The following SWT1 variants were observed in gnomAD, a reference collection of about 807,000 sequenced individuals.
The protein encoded by SWT1 is transcriptional protein SWT1.
SWT1 carries 33 observed loss-of-function variants against 107.3 expected under a neutral mutation model. That is an observed-to-expected ratio of 0.31 (90% CI 0.23 to 0.41). The LOEUF (loss-of-function observed/expected upper bound fraction) is 0.41. Among genes scored for constraint, SWT1 ranks in the 10% least tolerant of loss-of-function variants. The probability of loss-of-function intolerance (pLI) is 1.00; values close to 1 mark genes in which losing one functional copy is unlikely to be tolerated. For missense variants in SWT1, 898 were observed against 1,028.9 expected (o/e 0.87, Z 1.74); for synonymous variants, 345 against 348.3 (o/e 0.99, Z 0.11).
intron 4 of SWT1, 142 bp downstream of exon 4, chr1:185,168,540 A>G (rs1164367473): frequency 5.8e-6 from 2 of 345,114 alleles, no homozygotes; most frequent in Non-Finnish European, 1.0e-5. Flanking sequence ...TTATGATTAT[A>G]GAATTGTCTT....
At chr1:185,189,951 T>C (rs1656810615) in intron 9 of SWT1, among the ~76,000 whole-genome samples, 1 of 151,802 alleles carries the variant, frequency 6.6e-6, no homozygotes, top group Admixed American at 6.6e-5. Flanking sequence ...CAGGTTCAAC[T>C]GATTCTCCTG....
chr1:185,249,134 A>G (rs2102637953), intron 16 of SWT1, among the ~76,000 whole-genome samples: 1 of 152,200 alleles, frequency 6.6e-6, no homozygotes, highest in South Asian at 2.1e-4. Context: ...AGGCTGGCTG[A>G]TGCTGCCTCT....
intron 16 of SWT1, among the ~76,000 whole-genome samples, chr1:185,235,542 C>T (rs965516720): frequency 8.5e-5 from 13 of 152,122 alleles, no homozygotes; most frequent in East Asian, 3.9e-4. Flanking sequence ...TCAGTAAACT[C>T]GGTATTGATA....
At chr1:185,190,717 A>G in intron 10 of SWT1, 75 bp downstream of exon 10, 1 of 858,226 alleles carries the variant, frequency 1.2e-6, no homozygotes, top group East Asian at 2.7e-5. Context: ...TATGGTATCC[A>G]GCATACCAAG....
chr1:185,202,419 C>T (rs998557411), intron 10 of SWT1, among the ~76,000 whole-genome samples: 5 of 151,992 alleles, frequency 3.3e-5, no homozygotes, highest in African/African-American at 7.2e-5. Context: ...TAATACTACT[C>T]CTACCTCAGA....
Position 185,177,073 on chromosome 1 carries a change from C to T in SWT1, c.966+1960C>T. ...ATTATAACTAAGGAGGCCAGAAGAG[C>T]TTGGGAATTAGTATTTTTAGTTTAA... is the stretch of plus-strand genomic sequence containing the variant. On this transcript the variant is annotated intron_variant, in intron 5 of 18. Transcript: ENST00000367500. The T allele has an allele frequency of 3.1e-6, 3 of 980,414 alleles. No homozygotes were observed. The South Asian group carries it at 1.4e-4, about 46-fold the overall frequency. The allele number at this position is 980,414 out of a possible 1,614,324, so 60.7% of individuals were successfully genotyped here. A position where few individuals can be genotyped will look rare whatever the true frequency, so the allele number is the denominator to read the frequency against.
chr1:185,254,634 A>G (rs990300577), intron 16 of SWT1, among the ~76,000 whole-genome samples: 21 of 151,582 alleles, frequency 1.4e-4, no homozygotes, highest in African/African-American at 4.9e-4. Context: ...TATCCCCTTT[A>G]TCATTTTTTA....
intron 13 of SWT1, among the ~76,000 whole-genome samples, chr1:185,209,589 G>A (rs531456673): frequency 6.6e-6 from 1 of 152,302 alleles, no homozygotes; most frequent in South Asian, 2.1e-4. Context: ...ATTCCATGGT[G>A]TATATGTGCC....
At chr1:185,225,082 G>T (rs1659949722) in intron 15 of SWT1, among the ~76,000 whole-genome samples, 1 of 151,992 alleles carries the variant, frequency 6.6e-6, no homozygotes, top group Non-Finnish European at 1.5e-5. Flanking sequence ...TTGCATTGAG[G>T]TATGCTCCTT....
intron 10 of SWT1, among the ~76,000 whole-genome samples, chr1:185,191,741 G>A (rs769784718): frequency 6.6e-6 from 1 of 152,052 alleles, no homozygotes; most frequent in Admixed American, 6.5e-5. Context: ...AGATAAATTC[G>A]AGAAGTAATT....
In SWT1 at chr1:185,206,754, C is replaced by T; in HGVS notation, c.1963C>T (p.Leu655Phe). The T allele has an allele frequency of 6.3e-7, 1 of 1,595,690 alleles. No homozygotes were observed. The highest frequency in any genetic ancestry group is 2.2e-5 in the East Asian group (1 of 44,552). Residue 655 changes from leucine (L) to phenylalanine (F), a missense_variant, in exon 13 of 19, where the codon CTC (leucine) becomes TTC (phenylalanine). Around this residue, in one of 6 missense-constraint regions of SWT1, gnomAD observed 382 missense variants for 460.0 expected, o/e 0.83. Transcript: ENST00000367500. ...LLTIESLYKN[L>F]RKANKAVDFT... ...AACTATTGAGAGCCTATACAAAAAT[C>T]TCCGTAAAGGTATGAATCTTTTATT...
intron 4 of SWT1, among the ~76,000 whole-genome samples, chr1:185,169,800 C>T (rs1488165380): frequency 1.3e-5 from 2 of 149,298 alleles, no homozygotes; most frequent in African/African-American, 4.9e-5. Flanking sequence ...TTTTTTACAG[C>T]TAAACTAAAA....
intron 4 of SWT1, among the ~76,000 whole-genome samples, chr1:185,170,433 T>G (rs1478792176): frequency 6.6e-6 from 1 of 152,184 alleles, no homozygotes; most frequent in Non-Finnish European, 1.5e-5. Flanking sequence ...TGTCATGGCC[T>G]AAGTAGCATG....
intron 16 of SWT1, among the ~76,000 whole-genome samples, chr1:185,250,777 C>T (rs924498907): frequency 2.0e-5 from 3 of 152,116 alleles, no homozygotes; most frequent in Non-Finnish European, 4.4e-5. Context: ...ATTGTTCTTT[C>T]TCAGCCTCCC....
intron 16 of SWT1, among the ~76,000 whole-genome samples, chr1:185,247,988 T>A (rs1185419453): frequency 6.6e-6 from 1 of 152,216 alleles, no homozygotes; most frequent in Non-Finnish European, 1.5e-5. Context: ...TCAGGCTTTT[T>A]TGCATTTTGA....
At chr1:185,215,422 T>C (rs566461644) in intron 14 of SWT1, among the ~76,000 whole-genome samples, 2 of 152,334 alleles carry the variant, frequency 1.3e-5, no homozygotes, top group African/African-American at 2.4e-5. Flanking sequence ...ACAATAGTTA[T>C]CTGTGAACCT....
At chr1:185,263,826 C>A (rs1663196558) in intron 16 of SWT1, 1 of 152,168 alleles carries the variant, frequency 6.6e-6, no homozygotes, top group East Asian at 1.9e-4. Flanking sequence ...AGGGCCCATG[C>A]CAATGGCTTC....
intron 15 of SWT1, chr1:185,227,072 G>A: frequency 2.0e-6 from 2 of 1,019,816 alleles, no homozygotes; most frequent in Non-Finnish European, 3.1e-6. Flanking sequence ...CCATTAAATA[G>A]CACATGTAAT....
intron 12 of SWT1, among the ~76,000 whole-genome samples, chr1:185,206,413 TATTAAG>T (rs1048411403): frequency 8.5e-5 from 13 of 152,340 alleles, no homozygotes; most frequent in African/African-American, 3.1e-4. Context: ...TTTCTGAAAC[TATTAAG>T]ATTAATACTA....
Sources: allele counts gnomAD v4.1 joint callset (sites outside exome capture counted in the v4.1 genomes callset), GRCh38; gene constraint gnomAD v4.1.1; regional missense constraint gnomAD v4.1.1; transcripts MANE v1.5; gene names NCBI Gene and HGNC (gene_info 2026-07-23, HGNC 2026-07-21).